SLC7A5: variants seen among roughly 807,000 people sequenced by gnomAD.
SLC7A5 encodes the protein large neutral amino acids transporter small subunit 1.
SLC7A5 carries 23 observed loss-of-function variants against 50.2 expected under a neutral mutation model. The ratio of observed to expected loss-of-function variants is 0.46; its 90% confidence interval spans 0.33 to 0.65. The LOEUF is 0.65. Among genes scored for constraint, SLC7A5 ranks in the 30% least tolerant of loss-of-function variants. The pLI is 0.02. For missense variants in SLC7A5, 578 were observed against 684.4 expected (o/e 0.84, Z 1.73); for synonymous variants, 393 against 330.6 (o/e 1.19, Z -2.05).
intron 1 of SLC7A5, among the ~76,000 whole-genome samples, chr16:87,863,998 T>TATATATAC (rs1567503012): frequency 1.7e-4 from 23 of 137,630 alleles, no homozygotes; most frequent in Non-Finnish European, 2.7e-4. Context: ...TATATATATA[T>TATATATAC]ATATATATAT....
chr16:87,839,568 G>C, intron 5 of SLC7A5, 134 bp downstream of exon 5: 1 of 1,267,980 alleles, frequency 7.9e-7, no homozygotes, highest in Non-Finnish European at 1.1e-6. Flanking sequence ...CCTCCGGGTA[G>C]GGGAGGCTTA....
chr16:87,862,633 T>C lies in SLC7A5; in HGVS notation c.538+6252A>G, dbSNP rs1295213399. Among the ~76,000 whole-genome samples the C allele has an allele frequency of 2.0e-5, 3 of 152,230 alleles. No homozygotes were observed. The South Asian group carries it at 6.2e-4, about 32-fold the overall frequency. On this transcript the variant is annotated intron_variant, in intron 1 of 9. Coordinates refer to ENST00000261622, the MANE Select transcript of SLC7A5 (RefSeq NM_003486.7). This position sits in a 1 kb window ranked among gnomAD's most constrained non-coding sequence, Gnocchi z 5.3. ...CAGTGAGGCTGAGGGCTGCTCCATGTGCACAGTGAGCAGGAGATACAGGCA... is the reference window on the plus strand; with the variant it reads ...CAGTGAGGCTGAGGGCTGCTCCATGCGCACAGTGAGCAGGAGATACAGGCA...
intron 2 of SLC7A5, among the ~76,000 whole-genome samples, chr16:87,846,123 G>A (rs543617017): frequency 2.0e-5 from 3 of 152,198 alleles, no homozygotes; most frequent in Non-Finnish European, 4.4e-5. Context: ...AGCCAACGCC[G>A]CAGCCCTGGC....
chr16:87,858,092 C>G (rs1193640022), intron 1 of SLC7A5, among the ~76,000 whole-genome samples: 2 of 152,076 alleles, frequency 1.3e-5, no homozygotes, highest in African/African-American at 4.8e-5. Flanking sequence ...TCCAGGAGAC[C>G]CCCAGGGCTG....
chr16:87,847,574 G>A (rs1567494065), intron 2 of SLC7A5, among the ~76,000 whole-genome samples: 2 of 152,270 alleles, frequency 1.3e-5, no homozygotes, highest in Non-Finnish European at 1.5e-5. Context: ...GAACTGTCCC[G>A]TCAGCTTTTC....
intron 2 of SLC7A5, among the ~76,000 whole-genome samples, chr16:87,846,424 G>C (rs1399011513): frequency 6.6e-6 from 1 of 152,256 alleles, no homozygotes; most frequent in South Asian, 2.1e-4. Flanking sequence ...CCTGCCAGGA[G>C]AGCGGGGCCC....
intron 1 of SLC7A5, among the ~76,000 whole-genome samples, chr16:87,858,927 A>G (rs541511018): frequency 4.6e-5 from 7 of 152,230 alleles, no homozygotes; most frequent in Non-Finnish European, 1.0e-4. Context: ...CAGTGATGGA[A>G]GAATCCCTGG....
Position 87,869,497 on chromosome 16 carries a change from C to G in SLC7A5, c.-75G>C. 9.0e-7 allele frequency: 1 copy of G among 1,108,920 alleles called. No homozygotes were observed. Among genetic ancestry groups the G allele is most frequent in the Admixed American group, 4.8e-5 (1 of 20,658 alleles). The allele number at this position is 1,108,920 out of a possible 1,614,324, so 68.7% of individuals were successfully genotyped here. A position where few individuals can be genotyped will look rare whatever the true frequency, so the allele number is the denominator to read the frequency against. ...AGCAGTGTGCGCGCCGCCCGCCGCCCGCAGCTGCGTCAGGAACCCCGCCCG... is the reference window on the plus strand; with the variant it reads ...AGCAGTGTGCGCGCCGCCCGCCGCCGGCAGCTGCGTCAGGAACCCCGCCCG... On this transcript the variant is annotated 5_prime_UTR_variant, in exon 1 of 10. Transcript: ENST00000261622.
chr16:87,851,024 A>C (rs2055215809), intron 2 of SLC7A5, among the ~76,000 whole-genome samples: 1 of 152,218 alleles, frequency 6.6e-6, no homozygotes, highest in Admixed American at 6.5e-5. Flanking sequence ...GAGAAAAAGC[A>C]GCTGGGAAAA....
chr16:87,836,172 G>A (rs1400550140), intron 8 of SLC7A5, among the ~76,000 whole-genome samples: 10 of 152,198 alleles, frequency 6.6e-5, no homozygotes, highest in Non-Finnish European at 8.8e-5. Flanking sequence ...TGAATGCTGC[G>A]CCAGGCCCGG....
At position 87,861,819 on chromosome 16, in the gene SLC7A5, T is replaced by C. The variant is rs2055402251; in HGVS notation, c.538+7066A>G. ...AGGCTCTCCTGTGTGGCTCAGGTCA[T>C]GTGCTTCTGTGAGCTCCCCCTACGG... On this transcript the variant is annotated intron_variant, in intron 1 of 9. Coordinates refer to ENST00000261622, the MANE Select transcript of SLC7A5 (RefSeq NM_003486.7). The surrounding 1 kb of genome is among the most constrained non-coding windows in gnomAD (Gnocchi z 4.2). Among the ~76,000 whole-genome samples the C allele has an allele frequency of 1.3e-5, 2 of 152,238 alleles. No individual in the cohort carries two copies. Among genetic ancestry groups the C allele is most frequent in the Non-Finnish European group, 2.9e-5 (2 of 68,042 alleles).
At chr16:87,838,490 G>GC (rs1567489069) in intron 6 of SLC7A5, among the ~76,000 whole-genome samples, 2 of 152,096 alleles carry the variant, frequency 1.3e-5, no homozygotes, top group African/African-American at 2.4e-5. Context: ...ACGGGGTTTT[G>GC]CCATATTGCT....
intron 7 of SLC7A5, among the ~76,000 whole-genome samples, chr16:87,837,001 A>G (rs34831152): frequency 0.24 from 37,213 of 152,210 alleles, 4,886 homozygotes; most frequent in South Asian, 0.37. Context: ...CGAGGGCCAC[A>G]ACCTGACCTA....
rs557184722 is a variant in SLC7A5, at chr16:87,844,835, G to A, written c.665-3680C>T. Among the ~76,000 whole-genome samples the A allele has an allele frequency of 7.9e-5, 12 of 152,398 alleles. 1 individual carries two copies. The South Asian group carries it at 1.7e-3, about 21-fold the overall frequency. Reference sequence around the variant, plus strand: ...CTTGGGGCTCTAGGTGGAGTGTGCTGAACAGTGTCCCCAAAATTCACGTCC... The same window carrying A: ...CTTGGGGCTCTAGGTGGAGTGTGCTAAACAGTGTCCCCAAAATTCACGTCC... On this transcript the variant is annotated intron_variant, in intron 2 of 9. Transcript: ENST00000261622.
rs1264625891 is a variant in SLC7A5, at chr16:87,861,201, G to A, written c.538+7684C>T. Among the ~76,000 whole-genome samples the A allele has an allele frequency of 6.6e-6, 1 of 152,308 alleles. No homozygotes were observed. The highest frequency in any genetic ancestry group is 2.4e-5 in the African/African-American group (1 of 41,568). Reference sequence around the variant, plus strand: ...GCTCCAGGGAGGGCCAGGCCTACTGGGGGGCAGAACCCTGTGGCTGTCCAG... The same window carrying A: ...GCTCCAGGGAGGGCCAGGCCTACTGAGGGGCAGAACCCTGTGGCTGTCCAG... On this transcript the variant is annotated intron_variant, in intron 1 of 9. Transcript: ENST00000261622. This position sits in a 1 kb window ranked among gnomAD's most constrained non-coding sequence, Gnocchi z 4.2.
In SLC7A5 at chr16:87,860,415, A is replaced by AAAAGG. The variant is rs2055382325; in HGVS notation, c.538+8465_538+8469dup. Among the ~76,000 whole-genome samples, 2 of 150,150 alleles carry AAAAGG rather than the reference A, an allele frequency of 1.3e-5. No individual in the cohort carries two copies. The highest frequency in any genetic ancestry group is 4.2e-4 in the South Asian group (2 of 4,760). On this transcript the variant is annotated intron_variant, in intron 1 of 9. Coordinates refer to ENST00000261622, the MANE Select transcript of SLC7A5 (RefSeq NM_003486.7). The surrounding 1 kb of genome is among the most constrained non-coding windows in gnomAD (Gnocchi z 4.8). The stretch of plus-strand genomic sequence containing the variant: ...ACACACACACATATATATATAAAGA[A>AAAAGG]AAAGGAAATCTTCGAACCCACCTGT...
Position 87,869,497 on chromosome 16 carries a change from C to A in SLC7A5, c.-75G>T. The stretch of plus-strand genomic sequence containing the variant: ...AGCAGTGTGCGCGCCGCCCGCCGCC[C>A]GCAGCTGCGTCAGGAACCCCGCCCG... On this transcript the variant is annotated 5_prime_UTR_variant, in exon 1 of 10. Transcript: ENST00000261622. The A allele has an allele frequency of 4.5e-6, 5 of 1,108,916 alleles. No homozygotes were observed. The highest frequency in any genetic ancestry group is 5.5e-6 in the Non-Finnish European group (5 of 902,430). 68.7% of individuals were successfully genotyped at this position (1,108,916 alleles called of 1,614,324 possible).
intron 5 of SLC7A5, 33 bp downstream of exon 5, chr16:87,839,669 G>T: frequency 6.2e-7 from 1 of 1,612,098 alleles, no homozygotes; most frequent in Non-Finnish European, 8.5e-7. Flanking sequence ...AGCCTCTCAG[G>T]CCCCTGGTGG....
chr16:87,856,594 G>C (rs1288010940), intron 1 of SLC7A5, among the ~76,000 whole-genome samples: 1 of 152,322 alleles, frequency 6.6e-6, no homozygotes, highest in African/African-American at 2.4e-5. Context: ...CAGCCTTGGA[G>C]CTTGGGCCCC....
Sources: allele counts gnomAD v4.1 joint callset (sites outside exome capture counted in the v4.1 genomes callset), GRCh38; gene constraint gnomAD v4.1.1; non-coding constraint Gnocchi (gnomAD v3.1); transcripts MANE v1.5; gene names NCBI Gene and HGNC (gene_info 2026-07-23, HGNC 2026-07-21).